Variants in ITPRID1 observed in about 807,000 individuals in gnomAD.
ITPRID1 encodes protein ITPRID1.
In ITPRID1, 96 loss-of-function variants were observed where a neutral mutation model predicts 95.4. The observed-to-expected ratio is 1.01, with a 90% CI of 0.85 to 1.19. The LOEUF is 1.19. Among genes scored for constraint, ITPRID1 ranks in the 50% most tolerant of loss-of-function variants. ITPRID1 has a pLI of 0.00. For synonymous variants in ITPRID1, 510 were observed against 453.6 expected (o/e 1.12, Z -1.58); for missense variants, 1,339 against 1,252.9 (o/e 1.07, Z -1.04).
At chr7:31,590,067 C>T (rs893364010) in intron 10 of ITPRID1, among the ~76,000 whole-genome samples, 1 of 152,088 alleles carries the variant, frequency 6.6e-6, no homozygotes, top group Non-Finnish European at 1.5e-5. Context: ...TATATACACA[C>T]ATATATAGTT....
At chr7:31,573,590 A>G (rs1785071563) in intron 7 of ITPRID1, among the ~76,000 whole-genome samples, 1 of 152,030 alleles carries the variant, frequency 6.6e-6, no homozygotes, top group Non-Finnish European at 1.5e-5. Context: ...TTATTGTTGC[A>G]TGTAAAGAAA....
intron 14 of ITPRID1, among the ~76,000 whole-genome samples, 182 bp from the exon 15 acceptor site, chr7:31,652,336 G>A (rs1791036362): frequency 6.6e-6 from 1 of 152,078 alleles, no homozygotes; most frequent in Non-Finnish European, 1.5e-5. Flanking sequence ...AGAATCACAG[G>A]CACAGTGAAG....
At chr7:31,595,345 T>TACACACACAC (rs58632355) in intron 10 of ITPRID1, among the ~76,000 whole-genome samples, 2 of 147,054 alleles carry the variant, frequency 1.4e-5, no homozygotes, top group East Asian at 2.0e-4. Context: ...ATGCCCGGCC[T>TACACACACAC]ACACACACAC....
chr7:31,542,934 T>C (rs1203120534), intron 1 of ITPRID1, among the ~76,000 whole-genome samples: 1 of 152,202 alleles, frequency 6.6e-6, no homozygotes, highest in African/African-American at 2.4e-5. Flanking sequence ...ATATTTGATT[T>C]AAGCACTTAT....
chr7:31,568,499 C>T (rs978920303), intron 5 of ITPRID1, among the ~76,000 whole-genome samples: 3 of 152,152 alleles, frequency 2.0e-5, no homozygotes, highest in Non-Finnish European at 4.4e-5. Flanking sequence ...GTTTCACACA[C>T]GTCACACATT....
chr7:31,580,586 T>C (rs181920822), intron 9 of ITPRID1, among the ~76,000 whole-genome samples: 1 of 152,292 alleles, frequency 6.6e-6, no homozygotes, highest in Admixed American at 6.5e-5. Context: ...TCAAGAATTT[T>C]TAAATTACAA....
intron 1 of ITPRID1, among the ~76,000 whole-genome samples, chr7:31,547,000 G>C (rs1784119667): frequency 1.3e-5 from 2 of 152,024 alleles, no homozygotes; most frequent in South Asian, 4.1e-4. Flanking sequence ...ATCTTAGAGA[G>C]GCTTATATTT....
chr7:31,514,805 T>G (rs917521215), intron 1 of ITPRID1, among the ~76,000 whole-genome samples: 1 of 152,204 alleles, frequency 6.6e-6, no homozygotes, highest in African/African-American at 2.4e-5. Flanking sequence ...TATTTGCACA[T>G]ATATATACAC....
intron 1 of ITPRID1, among the ~76,000 whole-genome samples, chr7:31,519,620 C>CCATACATATATATATATATATATATA (rs1554279824): frequency 4.0e-5 from 1 of 25,254 alleles, no homozygotes; most frequent in Non-Finnish European, 7.3e-5. Flanking sequence ...CTCTCTCTCT[C>CCATACATATATATATATATATATATA]TATATATATA....
chr7:31,648,036 A>G (rs1303023878), intron 12 of ITPRID1, among the ~76,000 whole-genome samples: 1 of 152,198 alleles, frequency 6.6e-6, no homozygotes, highest in Non-Finnish European at 1.5e-5. Flanking sequence ...ATAATTTGTT[A>G]ATTTTAAAAA....
intron 1 of ITPRID1, among the ~76,000 whole-genome samples, chr7:31,543,336 A>G (rs772720819): frequency 6.6e-6 from 1 of 152,160 alleles, no homozygotes; most frequent in African/African-American, 2.4e-5. Context: ...CAGAGTGAAG[A>G]AAAGTAATTC....
At chr7:31,608,749 A>G (rs1273849330) in intron 10 of ITPRID1, among the ~76,000 whole-genome samples, 2 of 151,698 alleles carry the variant, frequency 1.3e-5, no homozygotes, top group Non-Finnish European at 3.0e-5. Context: ...AGTTCTAATA[A>G]TTCTATAGCG....
chr7:31,649,523 A>G (rs887254933), intron 12 of ITPRID1, among the ~76,000 whole-genome samples: 3 of 152,174 alleles, frequency 2.0e-5, no homozygotes, highest in African/African-American at 7.2e-5. Flanking sequence ...AGCTAGACAC[A>G]TGGATGCCTC....
chr7:31,636,511 A>G (rs977274753), intron 10 of ITPRID1, among the ~76,000 whole-genome samples: 1 of 152,116 alleles, frequency 6.6e-6, no homozygotes, highest in South Asian at 2.1e-4. Context: ...AGAAAAAGCA[A>G]TAGGTTCGAA....
intron 1 of ITPRID1, among the ~76,000 whole-genome samples, chr7:31,532,609 T>A (rs1332448214): frequency 1.3e-5 from 2 of 152,236 alleles, no homozygotes; most frequent in Non-Finnish European, 2.9e-5. Context: ...AGTGGTCACA[T>A]GGTTTTTCTC....
At chr7:31,585,631 C>G (rs976840925) in intron 10 of ITPRID1, among the ~76,000 whole-genome samples, 1 of 152,106 alleles carries the variant, frequency 6.6e-6, no homozygotes, top group Non-Finnish European at 1.5e-5. Context: ...GATGAGTCTA[C>G]TGCAGAACTA....
intron 7 of ITPRID1, 93 bp downstream of exon 7, chr7:31,572,281 G>A: frequency 2.8e-6 from 2 of 719,700 alleles, no homozygotes; most frequent in East Asian, 2.8e-5. Context: ...TTGAATGAAT[G>A]GATGAGAGAA....
chr7:31,526,496 TTGTG>T (rs1345756245), intron 1 of ITPRID1, among the ~76,000 whole-genome samples: 2 of 152,190 alleles, frequency 1.3e-5, no homozygotes, highest in Non-Finnish European at 2.9e-5. Flanking sequence ...CACCTAAACT[TTGTG>T]TGAGAATTAA....
At chr7:31,603,321 C>A (rs1482070436) in intron 10 of ITPRID1, among the ~76,000 whole-genome samples, 1 of 152,060 alleles carries the variant, frequency 6.6e-6, no homozygotes, top group African/African-American at 2.4e-5. Context: ...ATTCTAGCTT[C>A]CCAGCATGCC....
Sources: gnomAD v4.1 joint callset for allele counts (sites outside exome capture counted in the v4.1 genomes callset) on GRCh38, gnomAD v4.1.1 for gene constraint, MANE v1.5 for transcripts, NCBI Gene and HGNC (gene_info 2026-07-23, HGNC 2026-07-21) for gene names.